HDAC4: variants seen among roughly 807,000 people sequenced by gnomAD.
HDAC4 encodes the protein histone deacetylase A.
HDAC4 carries 16 observed loss-of-function variants against 135.1 expected under a neutral mutation model. The observed-to-expected ratio is 0.12, with a 90% CI of 0.08 to 0.18. The LOEUF (loss-of-function observed/expected upper bound fraction) is 0.18, where lower values mean the gene tolerates loss of function less well. Ranked by LOEUF, HDAC4 falls within the 10% of genes least tolerant of loss-of-function variation. The pLI is 1.00. For missense variants in HDAC4, 1,143 were observed against 1,511.8 expected (o/e 0.76, Z 4.05); for synonymous variants, 685 against 653.4 (o/e 1.05, Z -0.74).
At chr2:239,152,744 G>T (rs902891705) in intron 7 of HDAC4, among the ~76,000 whole-genome samples, 19 of 152,292 alleles carry the variant, frequency 1.2e-4, no homozygotes, top group Non-Finnish European at 2.5e-4. Context: ...GCTCCTGCTG[G>T]TTTCTACCTG....
intron 3 of HDAC4, among the ~76,000 whole-genome samples, chr2:239,206,966 G>C (rs1218332915): frequency 2.0e-5 from 3 of 152,170 alleles, no homozygotes; most frequent in Non-Finnish European, 4.4e-5. Context: ...ATGGTGACTG[G>C]GGTCTGATTC....
chr2:239,179,981 T>C (rs2044039177), intron 4 of HDAC4, among the ~76,000 whole-genome samples: 1 of 152,058 alleles, frequency 6.6e-6, no homozygotes, highest in African/African-American at 2.4e-5. Context: ...TCCAGGTAAC[T>C]GTGAGCGTGC....
At chr2:239,355,228 G>T (rs921195289) in intron 1 of HDAC4, among the ~76,000 whole-genome samples, 3 of 152,098 alleles carry the variant, frequency 2.0e-5, no homozygotes, top group Non-Finnish European at 4.4e-5. Context: ...CTTCAATTAT[G>T]TCACTGATTA....
intron 1 of HDAC4, among the ~76,000 whole-genome samples, chr2:239,360,057 G>A (rs183012285): frequency 4.5e-4 from 69 of 152,282 alleles, no homozygotes; most frequent in Non-Finnish European, 7.9e-4. Context: ...AAGCTCCAGC[G>A]AGTGAACGGG....
intron 11 of HDAC4, among the ~76,000 whole-genome samples, chr2:239,128,657 A>G (rs575506968): frequency 1.5e-4 from 23 of 152,354 alleles, no homozygotes; most frequent in African/African-American, 5.5e-4. Context: ...GGGGACGCAA[A>G]GGCTACGTAG....
intron 19 of HDAC4, among the ~76,000 whole-genome samples, chr2:239,084,892 C>T (rs188945577): frequency 1.4e-4 from 21 of 149,146 alleles, no homozygotes; most frequent in East Asian, 8.0e-4. Context: ...ACCCCCCCCA[C>T]GTAGACACAC....
At chr2:239,375,977 C>A (rs1270910077) in intron 1 of HDAC4, among the ~76,000 whole-genome samples, 1 of 152,250 alleles carries the variant, frequency 6.6e-6, no homozygotes, top group Non-Finnish European at 1.5e-5. Flanking sequence ...GCTGGACGCC[C>A]TGGGGCCAGC....
At chr2:239,186,023 C>T (rs551339777) in intron 4 of HDAC4, among the ~76,000 whole-genome samples, 233 of 152,012 alleles carry the variant, frequency 1.5e-3, no homozygotes, top group African/African-American at 4.4e-3. Context: ...AACAGTTGAG[C>T]GAGACTGCCT....
chr2:239,290,261 G>A (rs2051384486), intron 2 of HDAC4, among the ~76,000 whole-genome samples: 1 of 152,022 alleles, frequency 6.6e-6, no homozygotes, highest in East Asian at 1.9e-4. Flanking sequence ...CCTGTCAGCT[G>A]AGCTAATTCC....
chr2:239,119,097 C>T (rs939350361), intron 12 of HDAC4, among the ~76,000 whole-genome samples: 4 of 152,140 alleles, frequency 2.6e-5, no homozygotes, highest in Non-Finnish European at 4.4e-5. Context: ...CAAGAGGGCA[C>T]CCATACGCTC....
intron 16 of HDAC4, among the ~76,000 whole-genome samples, chr2:239,101,419 T>C (rs2037620941): frequency 6.6e-6 from 1 of 152,182 alleles, no homozygotes; most frequent in African/African-American, 2.4e-5. Flanking sequence ...TGCAGGTCTC[T>C]GTGAGGCTGA....
chr2:239,093,017 G>A (rs2036666726), intron 17 of HDAC4, among the ~76,000 whole-genome samples: 1 of 152,166 alleles, frequency 6.6e-6, no homozygotes, highest in African/African-American at 2.4e-5. Context: ...GGCTGGCAGG[G>A]CTGGGAGGCC....
intron 2 of HDAC4, among the ~76,000 whole-genome samples, chr2:239,340,859 A>G (rs1166941522): frequency 6.6e-6 from 1 of 152,026 alleles, no homozygotes; most frequent in Non-Finnish European, 1.5e-5. Context: ...ACCAGAGATA[A>G]AGGGCACTGA....
intron 12 of HDAC4, among the ~76,000 whole-genome samples, chr2:239,125,259 G>A (rs1306971029): frequency 6.6e-6 from 1 of 152,226 alleles, no homozygotes; most frequent in Non-Finnish European, 1.5e-5. Context: ...TGTCCTCACT[G>A]TAATGAGTGG....
At chr2:239,283,672 G>A (rs563648950) in intron 2 of HDAC4, among the ~76,000 whole-genome samples, 110 of 152,308 alleles carry the variant, frequency 7.2e-4, no homozygotes, top group African/African-American at 2.5e-3. Flanking sequence ...AGCTAATTTC[G>A]TTTTCATAAC....
At chr2:239,330,485 C>T (rs1205484387) in intron 2 of HDAC4, among the ~76,000 whole-genome samples, 5 of 152,242 alleles carry the variant, frequency 3.3e-5, no homozygotes, top group South Asian at 4.1e-4. Flanking sequence ...CTGGCCCCAC[C>T]GAACACTGGC....
At chr2:239,291,445 A>T (rs982348786) in intron 2 of HDAC4, among the ~76,000 whole-genome samples, 7 of 152,210 alleles carry the variant, frequency 4.6e-5, no homozygotes, top group African/African-American at 1.7e-4. Flanking sequence ...CTGAGGGCAC[A>T]CAGGAAGAGC....
intron 2 of HDAC4, among the ~76,000 whole-genome samples, chr2:239,251,688 T>C (rs1413582940): frequency 6.6e-6 from 1 of 152,146 alleles, no homozygotes. Context: ...TACCTCCTTG[T>C]ATTCTAGAAC....
At chr2:239,380,164 T>C (rs1474058394) in intron 1 of HDAC4, among the ~76,000 whole-genome samples, 1 of 152,138 alleles carries the variant, frequency 6.6e-6, no homozygotes, top group Non-Finnish European at 1.5e-5. Context: ...AACAGCACAA[T>C]CAGTTCTGGA....
Sources: allele counts gnomAD v4.1 joint callset (sites outside exome capture counted in the v4.1 genomes callset), GRCh38; gene constraint gnomAD v4.1.1; transcripts MANE v1.5; gene names NCBI Gene and HGNC (gene_info 2026-07-23, HGNC 2026-07-21).